The following LAMA3 variants were observed in gnomAD, a reference collection of about 807,000 sequenced individuals.
LAMA3 encodes laminin subunit alpha-3.
A neutral mutation model predicts 402.0 loss-of-function variants in LAMA3; 281 were observed. That is an observed-to-expected ratio of 0.70 (90% CI 0.63 to 0.77). The LOEUF is 0.77. Among genes scored for constraint, LAMA3 ranks in the 30% least tolerant of loss-of-function variants. The pLI is 0.00. For missense variants in LAMA3, 3,840 were observed against 4,215.5 expected (o/e 0.91, Z 2.47); for synonymous variants, 1,431 against 1,558.4 (o/e 0.92, Z 1.93).
intron 27 of LAMA3, 29 bp from the exon 28 acceptor site, chr18:23,842,366 T>C (rs759894771): frequency 6.2e-7 from 1 of 1,611,668 alleles, no homozygotes; most frequent in East Asian, 2.2e-5. Flanking sequence ...GGGTTTTTAA[T>C]TTTTTTTCCT....
At chr18:23,864,020 AGAAT>A (rs2064289708) in intron 35 of LAMA3, among the ~76,000 whole-genome samples, 1 of 152,158 alleles carries the variant, frequency 6.6e-6, no homozygotes, top group Non-Finnish European at 1.5e-5. Flanking sequence ...TGCTTTCAGG[AGAAT>A]TGTTTTTGGA....
rs1004892033 is a variant in LAMA3, at chr18:23,816,324, G to A, written c.2048-64G>A. 5 of 1,269,402 alleles carry A rather than the reference G, an allele frequency of 3.9e-6. No homozygotes were observed. In the African/African-American group the frequency reaches 7.3e-5, roughly 19 times the overall value. The allele number at this position is 1,269,402 out of a possible 1,614,324, so 78.6% of individuals were successfully genotyped here. A position where few individuals can be genotyped will look rare whatever the true frequency, so the allele number is the denominator to read the frequency against. The stretch of plus-strand genomic sequence containing the variant: ...ATGGTCAGTTTTCCTTTCTTGTACA[G>A]CAGGGGAGGCGCTCAGTGTGGAGAT... On this transcript the variant is annotated intron_variant, in intron 17 of 74. Coordinates refer to ENST00000313654, the MANE Select transcript of LAMA3 (RefSeq NM_198129.4).
chr18:23,755,841 T>C (rs1302088369), intron 6 of LAMA3, among the ~76,000 whole-genome samples: 9 of 152,234 alleles, frequency 5.9e-5, no homozygotes, highest in Non-Finnish European at 1.2e-4. Context: ...GGGAATTCTC[T>C]AATCAATGAC....
intron 4 of LAMA3, among the ~76,000 whole-genome samples, chr18:23,749,994 G>T (rs967955264): frequency 6.6e-6 from 1 of 152,152 alleles, no homozygotes; most frequent in Admixed American, 6.6e-5. Context: ...GGAGGACTCT[G>T]AGGTCCTACA....
At position 23,810,371 on chromosome 18, in the gene LAMA3, TG is replaced by T; in HGVS notation, c.1611del (p.Trp537CysfsTer15). ...GATTGAATTCTTTCATCCAGCCTGC[TG>T]GTGTTCAGCCCTTGGATCCTACCAG... is the stretch of plus-strand genomic sequence containing the variant. Reference protein sequence around the residue: ...FYSFPICQACWCSALGSYQMP... With the variant: ...FYSFPICQACXCSALGSYQMP... On this transcript the variant is annotated frameshift_variant, in exon 13 of 75. Coordinates refer to ENST00000313654, the MANE Select transcript of LAMA3 (RefSeq NM_198129.4). LOFTEE classifies it high-confidence loss of function. 1 of 1,614,152 alleles carries T rather than the reference TG, an allele frequency of 6.2e-7. No individual in the cohort carries two copies.
chr18:23,776,711 C>A (rs1326334906), intron 10 of LAMA3, among the ~76,000 whole-genome samples: 1 of 152,172 alleles, frequency 6.6e-6, no homozygotes, highest in Non-Finnish European at 1.5e-5. Flanking sequence ...TCACACCTCC[C>A]ACCCCAGGTA....
intron 32 of LAMA3, among the ~76,000 whole-genome samples, chr18:23,852,187 T>C (rs188166025): frequency 1.7e-3 from 254 of 152,330 alleles, no homozygotes; most frequent in Non-Finnish European, 2.4e-3. Context: ...GCCTTCCTTT[T>C]CCTGGTTTAC....
intron 1 of LAMA3, among the ~76,000 whole-genome samples, chr18:23,707,934 T>G (rs974956752): frequency 2.0e-5 from 3 of 152,214 alleles, no homozygotes; most frequent in African/African-American, 7.2e-5. Context: ...GTCAGATTTA[T>G]CCATCTCTTC....
chr18:23,873,041 C>T (rs778093201), intron 38 of LAMA3: 3 of 1,613,978 alleles, frequency 1.9e-6, no homozygotes, highest in Non-Finnish European at 1.7e-6. Context: ...GTCCAGGAAC[C>T]GGGATGCCTC....
In LAMA3 at chr18:23,714,017, C is replaced by G; in HGVS notation, c.392C>G (p.Pro131Arg). The change falls in exon 2 of 75, where the codon CCC becomes CGC. Residue 131 changes from proline to arginine, a missense_variant. Around this residue, in one of 3 missense-constraint regions of LAMA3, gnomAD observed 2,109 missense variants for 2,376.0 expected, o/e 0.89. Transcript: ENST00000313654. The stretch of plus-strand genomic sequence containing the variant: ...TCTGAACGTTGGTGGCAAAGCCCTC[C>G]CCTGTCCTCAGGCACACAGTACAAC... ...DGSERWWQSP[P>R]LSSGTQYNRV... 3 of 1,613,984 alleles carry G rather than the reference C, an allele frequency of 1.9e-6. No homozygotes were observed. The highest frequency in any genetic ancestry group is 2.5e-6 in the Non-Finnish European group (3 of 1,179,954).
chr18:23,785,022 G>C (rs879525596), intron 12 of LAMA3, among the ~76,000 whole-genome samples: 2 of 152,194 alleles, frequency 1.3e-5, no homozygotes, highest in Non-Finnish European at 1.5e-5. Flanking sequence ...TTCCAAGGAG[G>C]CCTCCAATGG....
chr18:23,805,363 G>A (rs2062943013), intron 12 of LAMA3, among the ~76,000 whole-genome samples: 1 of 152,210 alleles, frequency 6.6e-6, no homozygotes, highest in Non-Finnish European at 1.5e-5. Flanking sequence ...TCAAGTCTTT[G>A]ATGGTAGCCC....
At chr18:23,817,082 G>C (rs2063190177) in intron 18 of LAMA3, among the ~76,000 whole-genome samples, 1 of 152,160 alleles carries the variant, frequency 6.6e-6, no homozygotes, top group Admixed American at 6.5e-5. Flanking sequence ...GGTTGCGGTG[G>C]GGGTAGAGGG....
intron 12 of LAMA3, among the ~76,000 whole-genome samples, chr18:23,797,478 C>T (rs1484566889): frequency 6.6e-6 from 1 of 152,158 alleles, no homozygotes; most frequent in Admixed American, 6.5e-5. Flanking sequence ...CTTTGGGAGG[C>T]CAAGTTTGGT....
At chr18:23,873,207 C>T (rs1485795464) in intron 38 of LAMA3, 1 of 1,613,852 alleles carries the variant, frequency 6.2e-7, no homozygotes, top group African/African-American at 1.3e-5. Context: ...GGAGTTTAGA[C>T]CCAGCCAGGT....
chr18:23,822,665 C>T (rs1344413188), intron 20 of LAMA3, among the ~76,000 whole-genome samples: 9 of 152,254 alleles, frequency 5.9e-5, no homozygotes, highest in African/African-American at 2.2e-4. Flanking sequence ...GAGCAGAGCT[C>T]ATTTATAACT....
intron 12 of LAMA3, among the ~76,000 whole-genome samples, chr18:23,788,352 G>A (rs2062586571): frequency 6.6e-6 from 1 of 151,836 alleles, no homozygotes; most frequent in East Asian, 1.9e-4. Flanking sequence ...AAATCAATAT[G>A]ATACTAATGT....
At chr18:23,904,321 C>G (rs2081170042) in intron 50 of LAMA3, among the ~76,000 whole-genome samples, 1 of 152,134 alleles carries the variant, frequency 6.6e-6, no homozygotes, top group African/African-American at 2.4e-5. Context: ...CTCAGGTATC[C>G]ACTTACCAAA....
At chr18:23,754,775 C>T (rs369674015) in intron 6 of LAMA3, among the ~76,000 whole-genome samples, 1 of 152,172 alleles carries the variant, frequency 6.6e-6, no homozygotes, top group Admixed American at 6.5e-5. Context: ...TGGAAATTAC[C>T]GGATGCCAGA....
Sources: gnomAD v4.1 joint callset for allele counts (sites outside exome capture counted in the v4.1 genomes callset) on GRCh38, gnomAD v4.1.1 for gene constraint, gnomAD v4.1.1 regional missense constraint, MANE v1.5 for transcripts, NCBI Gene and HGNC (gene_info 2026-07-23, HGNC 2026-07-21) for gene names.